Variants in UNC13B observed in about 807,000 individuals in gnomAD.
UNC13B encodes the protein protein unc-13 homolog B.
Under a neutral mutation model 211.0 loss-of-function variants are expected in UNC13B, and 144 were observed. The ratio of observed to expected loss-of-function variants is 0.68; its 90% CI spans 0.60 to 0.78. The LOEUF is 0.78. UNC13B is among the 30% of genes least tolerant of loss of function. UNC13B has a pLI of 0.00. For synonymous variants in UNC13B, 709 were observed against 725.8 expected, an observed-to-expected ratio of 0.98 and a Z score of 0.37; for missense variants, 1,777 against 2,002.0, an observed-to-expected ratio of 0.89 and a Z score of 2.14.
At chr9:35,344,427 A>T (rs1432681549) in intron 11 of UNC13B, among the ~76,000 whole-genome samples, 2 of 152,184 alleles carry the variant, frequency 1.3e-5, no homozygotes, top group African/African-American at 4.8e-5. Flanking sequence ...ACAGAAATGG[A>T]TGAGAAAATT....
intron 11 of UNC13B, among the ~76,000 whole-genome samples, chr9:35,314,366 C>G (rs1194787899): frequency 2.0e-5 from 3 of 152,114 alleles, no homozygotes; most frequent in Non-Finnish European, 4.4e-5. Flanking sequence ...AGGGCCAAAA[C>G]AGGGTACAAA....
chr9:35,299,569 A>C (rs1156539469), intron 8 of UNC13B, among the ~76,000 whole-genome samples: 2 of 152,218 alleles, frequency 1.3e-5, no homozygotes, highest in Non-Finnish European at 2.9e-5. Flanking sequence ...AAGAATTCTA[A>C]AAAGCTCACC....
chr9:35,297,664 C>T (rs957540213), intron 8 of UNC13B, among the ~76,000 whole-genome samples: 2 of 151,420 alleles, frequency 1.3e-5, no homozygotes, highest in African/African-American at 4.9e-5. Context: ...ATTCTCCTGC[C>T]TCAGCCTCCC....
chr9:35,247,471 T>A (rs1193314218), intron 6 of UNC13B, among the ~76,000 whole-genome samples: 1 of 152,182 alleles, frequency 6.6e-6, no homozygotes, highest in Non-Finnish European at 1.5e-5. Flanking sequence ...GCCCATTCAG[T>A]ATGATATTGG....
chr9:35,194,691 G>A (rs1822841427), intron 1 of UNC13B, among the ~76,000 whole-genome samples: 2 of 152,196 alleles, frequency 1.3e-5, no homozygotes. Context: ...TGAAAGGACA[G>A]AGTTGGATTC....
rs558844894 is a variant in UNC13B at position 35,369,518 on chromosome 9, T to C, written c.9462-800T>C. Among the ~76,000 whole-genome samples, 3 of 152,338 alleles carry C rather than the reference T, an allele frequency of 2.0e-5. No individual in the cohort carries two copies. In the East Asian group the frequency reaches 5.8e-4, roughly 29 times the overall value. ...TTTCTGTTTTTATTGCATATTGTTA[T>C]AAAAGAACAATAAAATTAATCAGTA... On this transcript the variant is annotated intron_variant, in intron 12 of 39. Transcript: ENST00000635942.
intron 20 of UNC13B, 110 bp from the exon 21 acceptor site, chr9:35,382,247 G>A (rs1834895430): frequency 7.0e-7 from 1 of 1,424,424 alleles, no homozygotes; most frequent in Non-Finnish European, 9.5e-7. Context: ...AGAGAGGGCA[G>A]CAATTGCCCT....
At chr9:35,342,983 T>C (rs996701890) in intron 11 of UNC13B, among the ~76,000 whole-genome samples, 2 of 152,372 alleles carry the variant, frequency 1.3e-5, no homozygotes, top group Admixed American at 6.5e-5. Flanking sequence ...TGTGTGTATA[T>C]GCCATATAAA....
intron 1 of UNC13B, among the ~76,000 whole-genome samples, chr9:35,184,591 C>G (rs1010669908): frequency 1.3e-5 from 2 of 152,080 alleles, no homozygotes; most frequent in African/African-American, 4.8e-5. Context: ...GCCTGCAATC[C>G]CAGGCACTCG....
intron 6 of UNC13B, among the ~76,000 whole-genome samples, chr9:35,254,612 GA>G (rs1826708899): frequency 6.6e-6 from 1 of 151,764 alleles, no homozygotes; most frequent in Non-Finnish European, 1.5e-5. Flanking sequence ...ACTTTTGTTA[GA>G]TTTTTTTCCC....
Position 35,166,427 on chromosome 9 carries a change from A to T in UNC13B, c.22+4122A>T, listed in dbSNP as rs1228876645. ...ATACATTGCTAATTATAGAAAATTTAAAAAATGCAGAAAAGTACAAAAAAA... is the reference window on the plus strand; with the variant it reads ...ATACATTGCTAATTATAGAAAATTTTAAAAATGCAGAAAAGTACAAAAAAA... On this transcript the variant is annotated intron_variant, in intron 1 of 39. Transcript: ENST00000635942. 2.0e-5 allele frequency among the ~76,000 whole-genome samples: 3 copies of T among 152,162 alleles called. No homozygotes were observed. The East Asian group carries it at 5.8e-4, about 29-fold the overall frequency.
intron 6 of UNC13B, among the ~76,000 whole-genome samples, chr9:35,245,819 A>C (rs1826062786): frequency 6.6e-6 from 1 of 152,116 alleles, no homozygotes; most frequent in African/African-American, 2.4e-5. Context: ...ATACGCATGC[A>C]TGTGTCTTTA....
chr9:35,353,370 G>A (rs1832839165), intron 11 of UNC13B: 1 of 1,232,250 alleles, frequency 8.1e-7, no homozygotes. Flanking sequence ...GACCTGGAAA[G>A]CAATGAGAGT....
chr9:35,399,326 C>T (rs779739107), intron 34 of UNC13B, 42 bp downstream of exon 34: 2 of 1,614,208 alleles, frequency 1.2e-6, no homozygotes, highest in South Asian at 1.1e-5. Context: ...GTCTCCCTTC[C>T]CCTCACTCCC....
chr9:35,317,320 C>T (rs949348115), intron 11 of UNC13B, among the ~76,000 whole-genome samples: 13 of 152,038 alleles, frequency 8.6e-5, no homozygotes, highest in Non-Finnish European at 1.3e-4. Context: ...CCCACCTCAG[C>T]CTCCCTTGTA....
At chr9:35,394,495 C>T (rs1470450935) in intron 26 of UNC13B, among the ~76,000 whole-genome samples, 1 of 152,152 alleles carries the variant, frequency 6.6e-6, no homozygotes, top group African/African-American at 2.4e-5. Flanking sequence ...ACTCAGGAGC[C>T]TGAGGCAGGA....
At chr9:35,208,448 C>A (rs1326208763) in intron 1 of UNC13B, among the ~76,000 whole-genome samples, 1 of 152,094 alleles carries the variant, frequency 6.6e-6, no homozygotes, top group African/African-American at 2.4e-5. Context: ...AAAGAAATAC[C>A]TGAGACTGGG....
At chr9:35,257,422 A>ATATTTATATAAATATTT (rs1277030520) in intron 6 of UNC13B, among the ~76,000 whole-genome samples, 1 of 130,270 alleles carries the variant, frequency 7.7e-6, no homozygotes, top group Admixed American at 7.9e-5. Flanking sequence ...ATTTATAAAA[A>ATATTTATATAAATATTT]ATATAAATAT....
chr9:35,239,252 C>G (rs553364223), intron 5 of UNC13B, among the ~76,000 whole-genome samples: 1 of 151,828 alleles, frequency 6.6e-6, no homozygotes, highest in Non-Finnish European at 1.5e-5. Context: ...AAGTGTTGGC[C>G]GGTCTAAGAA....
Sources: gnomAD v4.1 joint callset for allele counts (sites outside exome capture counted in the v4.1 genomes callset) on GRCh38, gnomAD v4.1.1 for gene constraint, MANE v1.5 for transcripts, NCBI Gene and HGNC (gene_info 2026-07-23, HGNC 2026-07-21) for gene names.